DUXA: variants seen among roughly 807,000 people sequenced by gnomAD.
DUXA encodes double homeobox protein A.
DUXA carries 25 observed loss-of-function variants against 27.5 expected under a neutral mutation model. That is an observed-to-expected ratio of 0.91 (90% CI 0.66 to 1.27). The LOEUF (loss-of-function observed/expected upper bound fraction) is 1.27. DUXA is among the 50% of genes most tolerant of loss of function. The pLI is 0.00. For missense variants in DUXA, 247 were observed against 242.9 expected (o/e 1.02, Z -0.11); for synonymous variants, 90 against 80.5 (o/e 1.12, Z -0.63).
At chr19:57,165,098 A>G (rs1415829773) in intron 1 of DUXA, among the ~76,000 whole-genome samples, 2 of 152,114 alleles carry the variant, frequency 1.3e-5, no homozygotes, top group Non-Finnish European at 2.9e-5. Flanking sequence ...TCCACAGGCC[A>G]TACTTTGAAA....
intron 1 of DUXA, among the ~76,000 whole-genome samples, chr19:57,161,359 C>G (rs1258815489): frequency 5.4e-5 from 6 of 111,614 alleles, no homozygotes; most frequent in African/African-American, 2.2e-4. Context: ...CGCGGTGGCT[C>G]ACACCTGTAA....
intron 1 of DUXA, among the ~76,000 whole-genome samples, chr19:57,165,803 C>CAAAAAA (rs3082068): frequency 1.0e-5 from 1 of 95,860 alleles, no homozygotes. Flanking sequence ...AGACTCCTCT[C>CAAAAAA]AAAAAAAAAA....
At chr19:57,155,646 A>AAGATAGATAGAT (rs35512413) in intron 4 of DUXA, among the ~76,000 whole-genome samples, 2,932 of 144,092 alleles carry the variant, frequency 0.02, 62 homozygotes, top group Non-Finnish European at 0.024. Context: ...TGCCCAACCC[A>AAGATAGATAGAT]AGATAGATAG....
chr19:57,154,534 A>G lies in DUXA; in HGVS notation c.545-52T>C, dbSNP rs753583040. On this transcript the variant is annotated intron_variant, in intron 5 of 5. Coordinates refer to ENST00000554048, the MANE Select transcript of DUXA (RefSeq NM_001012729.2). The stretch of plus-strand genomic sequence containing the variant: ...GAATGTAAGAGATCAGCTTATATTC[A>G]CAAACATGGACGTCAGCCTTTTCCC... 5.4e-5 allele frequency: 75 copies of G among 1,397,438 alleles called. No individual in the cohort carries two copies. In the South Asian group the frequency reaches 8.6e-4, roughly 16 times the overall value. 86.6% of individuals were successfully genotyped at this position (1,397,438 alleles called of 1,614,324 possible).
chr19:57,162,677 T>A (rs1013080231), intron 1 of DUXA, among the ~76,000 whole-genome samples: 5 of 152,072 alleles, frequency 3.3e-5, no homozygotes, highest in African/African-American at 1.2e-4. Flanking sequence ...CAGATTCAAG[T>A]GATTCTCCTG....
At chr19:57,167,334 CACA>C (rs2087059748) in intron 1 of DUXA, 82 bp downstream of exon 1, 7 of 1,558,396 alleles carry the variant, frequency 4.5e-6, no homozygotes, top group Middle Eastern at 1.7e-4. Flanking sequence ...ATGGAACTCT[CACA>C]ACTTCTGACA....
intron 1 of DUXA, among the ~76,000 whole-genome samples, chr19:57,161,799 G>A (rs2087025429): frequency 6.6e-6 from 1 of 152,104 alleles, no homozygotes; most frequent in African/African-American, 2.4e-5. Flanking sequence ...TAGAAACGAA[G>A]AGTTTGTGAT....
At chr19:57,160,528 G>A in intron 2 of DUXA, 115 bp downstream of exon 2, 1 of 1,270,632 alleles carries the variant, frequency 7.9e-7, no homozygotes, top group Non-Finnish European at 1.1e-6. Context: ...TTGAGGGTCA[G>A]TTGAGATACT....
Position 57,160,705 on chromosome 19 carries a change from G to A in DUXA, c.118C>T (p.Pro40Ser). The change falls in exon 2 of 6, where the codon CCA becomes TCA. Residue 40 changes from proline (P) to serine (S), a missense_variant. Physicochemically the swap from Pro to Ser is moderately conservative, Grantham distance 74. Transcript: ENST00000554048. The stretch of plus-strand genomic sequence containing the variant: ...AGTTTTTGTTTGGTAGCATAACCTG[G>A]GTAAGGCTTTTGATTGAAGGTATTG... ...LINTFNQKPY[P>S]GYATKQKLAL... is the part of the protein sequence containing the mutation. The A allele has an allele frequency of 6.2e-7, 1 of 1,614,038 alleles. No individual in the cohort carries two copies. Among genetic ancestry groups the A allele is most frequent in the Admixed American group, 1.7e-5 (1 of 60,030 alleles).
chr19:57,160,559 A>C (rs958340886), intron 2 of DUXA, 84 bp downstream of exon 2: 102 of 1,506,146 alleles, frequency 6.8e-5, no homozygotes, highest in Non-Finnish European at 8.7e-5. Flanking sequence ...CCCTCAGCAC[A>C]TGGGTACATA....
rs1463653905 is a variant in DUXA at position 57,165,698 on chromosome 19, G to C, written c.25+1721C>G. Reference sequence around the variant, plus strand: ...CGGGCGTCTGTAGTCCCAGCTACTCGGGAGGCTGAGGCAGGAGAATGGCAT... The same window carrying C: ...CGGGCGTCTGTAGTCCCAGCTACTCCGGAGGCTGAGGCAGGAGAATGGCAT... On this transcript the variant is annotated intron_variant, in intron 1 of 5. Transcript: ENST00000554048. Among the ~76,000 whole-genome samples, 4 of 151,256 alleles carry C rather than the reference G, an allele frequency of 2.6e-5. No homozygotes were observed. The Admixed American group carries it at 2.7e-4, about 10-fold the overall frequency.
chr19:57,159,426 T>C (rs2087009213), intron 2 of DUXA, 148 bp from the exon 3 acceptor site: 1 of 752,086 alleles, frequency 1.3e-6, no homozygotes. Flanking sequence ...CTTTTTTTTC[T>C]TTTTTGAGAT....
chr19:57,160,624 A>T lies in DUXA; in HGVS notation c.180+19T>A, dbSNP rs1162730837. 8 of 1,611,060 alleles carry T rather than the reference A, an allele frequency of 5.0e-6. No individual in the cohort carries two copies. Among genetic ancestry groups the T allele is most frequent in the Non-Finnish European group, 6.8e-6 (8 of 1,179,624 alleles). On this transcript the variant is annotated intron_variant, in intron 2 of 5. Transcript: ENST00000554048. Reference sequence around the variant, plus strand: ...TGCCTTTTTACTTCCAGTCCTGGAGATATTGAACTTTAACTTACCTGGATT... The same window carrying T: ...TGCCTTTTTACTTCCAGTCCTGGAGTTATTGAACTTTAACTTACCTGGATT...
Position 57,155,344 on chromosome 19 carries a change from A to C in DUXA, c.467T>G (p.Leu156Ter). The C allele has an allele frequency of 1.2e-6, 2 of 1,614,184 alleles. No individual in the cohort carries two copies. The change falls in exon 5 of 6, where the codon TTA becomes TGA. Residue 156 changes from leucine to a stop codon, truncating the protein, a stop_gained. Coordinates refer to ENST00000554048, the MANE Select transcript of DUXA (RefSeq NM_001012729.2). LOFTEE classifies it high-confidence loss of function. ...AGGTTCCCTTTTTCTCTGGAGAAGTAATCTAGATCTTCGATTTTGGAACCA... is the reference window on the plus strand; with the variant it reads ...AGGTTCCCTTTTTCTCTGGAGAAGTCATCTAGATCTTCGATTTTGGAACCA... ...QIWFQNRRSR[L>*]LLQRKREPVA...
In DUXA at chr19:57,165,343, A is replaced by ATG. The variant is rs1413032439; in HGVS notation, c.25+2074_25+2075dup. ...AAAAAAAATATATATATATATATAT[A>ATG]TGTATATATATATATTCATTCTTTT... On this transcript the variant is annotated intron_variant, in intron 1 of 5. Transcript: ENST00000554048. Among the ~76,000 whole-genome samples, 2 of 140,630 alleles carry ATG rather than the reference A, an allele frequency of 1.4e-5. 1 individual carries two copies. Among genetic ancestry groups the ATG allele is most frequent in the African/African-American group, 5.4e-5 (2 of 37,194 alleles). 92.3% of individuals were successfully genotyped at this position (140,630 alleles called of 152,430 possible).
chr19:57,165,324 A>ATATATATATATGTATATATAT (rs1555759590), intron 1 of DUXA, among the ~76,000 whole-genome samples: 1 of 89,286 alleles, frequency 1.1e-5, no homozygotes, highest in Non-Finnish European at 2.3e-5. Flanking sequence ...AAAAAAAAAA[A>ATATATATATATGTATATATAT]ATATATATAT....
At chr19:57,164,263 T>TACTATGC (rs2087039553) in intron 1 of DUXA, among the ~76,000 whole-genome samples, 1 of 152,146 alleles carries the variant, frequency 6.6e-6, no homozygotes, top group Non-Finnish European at 1.5e-5. Context: ...TATATACACT[T>TACTATGC]ACTATGCACC....
chr19:57,162,521 T>C (rs903796231), intron 1 of DUXA, among the ~76,000 whole-genome samples: 14 of 152,232 alleles, frequency 9.2e-5, no homozygotes, highest in African/African-American at 3.1e-4. Flanking sequence ...TTGTTTGATC[T>C]TTGAATGCTT....
At chr19:57,156,731 C>G (rs1488496383) in intron 4 of DUXA, among the ~76,000 whole-genome samples, 2 of 152,130 alleles carry the variant, frequency 1.3e-5, no homozygotes, top group African/African-American at 2.4e-5. Context: ...GTGGCGTGAT[C>G]TCGGCTCACC....
Sources: allele counts gnomAD v4.1 joint callset (sites outside exome capture counted in the v4.1 genomes callset), GRCh38; gene constraint gnomAD v4.1.1; transcripts MANE v1.5; gene names NCBI Gene and HGNC (gene_info 2026-07-23, HGNC 2026-07-21).